The following ADGRL3 variants were observed in gnomAD, a reference collection of about 807,000 sequenced individuals.
ADGRL3 encodes the protein calcium-independent alpha-latrotoxin receptor 3.
Under a neutral mutation model 153.5 loss-of-function variants are expected in ADGRL3, and 62 were observed. That is an observed-to-expected ratio of 0.40 (90% CI 0.33 to 0.50). The LOEUF is 0.50. Ranked by LOEUF, ADGRL3 falls within the 20% of genes least tolerant of loss-of-function variation. The pLI is 0.47. For missense variants in ADGRL3, 1,641 were observed against 1,859.4 expected, an observed-to-expected ratio of 0.88 and a Z score of 2.16; for synonymous variants, 710 against 672.5, an observed-to-expected ratio of 1.06 and a Z score of -0.86.
At chr4:61,710,949 A>G (rs573258649) in intron 6 of ADGRL3, among the ~76,000 whole-genome samples, 1 of 152,166 alleles carries the variant, frequency 6.6e-6, no homozygotes, top group East Asian at 1.9e-4. Context: ...TTAACATTCC[A>G]TCCAGCAGAC....
In ADGRL3 at chr4:61,909,516, TTATG is replaced by T. The variant is rs781185364; in HGVS notation, c.1888-42_1888-39del. The T allele has an allele frequency of 6.1e-6, 8 of 1,322,268 alleles. No homozygotes were observed. The Admixed American group carries it at 1.6e-4, about 26-fold the overall frequency. 81.9% of individuals were successfully genotyped at this position (1,322,268 alleles called of 1,614,324 possible). A position where few individuals can be genotyped will look rare whatever the true frequency, so the allele number is the denominator to read the frequency against. On this transcript the variant is annotated intron_variant, in intron 11 of 26. Transcript: ENST00000683033. The stretch of plus-strand genomic sequence containing the variant: ...CGTTGAAAGAAAGCAATAAAAGTAT[TTATG>T]TGAGATCTCTTTCCTTTGTATTCCA...
intron 1 of ADGRL3, among the ~76,000 whole-genome samples, chr4:61,292,712 C>G (rs1467290232): frequency 6.6e-6 from 1 of 152,074 alleles, no homozygotes; most frequent in Non-Finnish European, 1.5e-5. Flanking sequence ...GAAAGAAAAT[C>G]TTGAAAGCCA....
At chr4:61,277,212 A>T (rs970128317) in intron 1 of ADGRL3, among the ~76,000 whole-genome samples, 1 of 152,116 alleles carries the variant, frequency 6.6e-6, no homozygotes, top group African/African-American at 2.4e-5. Context: ...TAAATCATTT[A>T]TTCTCTTGAG....
At chr4:61,216,387 T>A (rs1418376838) in intron 1 of ADGRL3, among the ~76,000 whole-genome samples, 1 of 152,142 alleles carries the variant, frequency 6.6e-6, no homozygotes, top group Non-Finnish European at 1.5e-5. Context: ...ATGTTTATAT[T>A]AAATACTTTT....
chr4:61,990,093 A>G (rs918374973), intron 19 of ADGRL3, among the ~76,000 whole-genome samples: 5 of 152,078 alleles, frequency 3.3e-5, no homozygotes, highest in African/African-American at 1.2e-4. Flanking sequence ...CTTGTATGCA[A>G]GAGTTTATAG....
At chr4:61,672,594 A>G (rs547323161) in intron 5 of ADGRL3, among the ~76,000 whole-genome samples, 40 of 152,142 alleles carry the variant, frequency 2.6e-4, no homozygotes, top group Non-Finnish European at 5.1e-4. Flanking sequence ...ACTAATCGTC[A>G]GGGAAATGTG....
intron 8 of ADGRL3, among the ~76,000 whole-genome samples, chr4:61,759,138 A>G (rs4860100): frequency 0.58 from 88,138 of 151,824 alleles, 28,013 homozygotes; most frequent in African/African-American, 0.83. Context: ...CAACTTTGGT[A>G]AATCTGACAA....
rs762481224 is a variant in ADGRL3, at chr4:61,732,901, C to G, written c.746C>G (p.Thr249Ser). The G allele has an allele frequency of 1.9e-6, 3 of 1,613,654 alleles. No individual in the cohort carries two copies. In the Admixed American group the frequency reaches 5.0e-5, roughly 27 times the overall value. ...YMPWTPYRTD[T>S]LTEYSSKDDF... ...CCCTGGACTCCCTACAGAACTGATA[C>G]CCTGACTGAGTATTCATCCAAGGAT... Residue 249 changes from threonine (T) to serine (S), a missense_variant, in exon 8 of 27, where the codon ACC (threonine) becomes AGC (serine). Coordinates refer to ENST00000683033, the MANE Select transcript of ADGRL3 (RefSeq NM_001387552.1).
rs143759894 is a variant in ADGRL3 at position 61,602,806 on chromosome 4, C to T, written c.473+15366C>T. Among the ~76,000 whole-genome samples the T allele has an allele frequency of 6.7e-3, 1,021 of 152,218 alleles. 33 individuals are homozygous for T. The highest frequency in any genetic ancestry group is 0.053 in the Admixed American group (804 of 15,280). On this transcript the variant is annotated intron_variant, in intron 5 of 26. Coordinates refer to ENST00000683033, the MANE Select transcript of ADGRL3 (RefSeq NM_001387552.1). ...ACAGTTTATCCTTCACTAGAAATAA[C>T]AATGCCAAGTATAATACTGTATAAT...
At chr4:61,563,473 C>T (rs1196169935) in intron 4 of ADGRL3, among the ~76,000 whole-genome samples, 1 of 152,162 alleles carries the variant, frequency 6.6e-6, no homozygotes, top group Admixed American at 6.5e-5. Context: ...TAGCCTTTTA[C>T]AAGAAAGTCA....
chr4:61,428,902 T>TATCTATCTATCTATATC (rs2097319588), intron 2 of ADGRL3, among the ~76,000 whole-genome samples: 1 of 125,968 alleles, frequency 7.9e-6, no homozygotes, highest in Non-Finnish European at 1.7e-5. Context: ...ATCATCTATC[T>TATCTATCTATCTATATC]ATCTATCTAT....
At chr4:61,530,382 C>T (rs2098605171) in intron 4 of ADGRL3, among the ~76,000 whole-genome samples, 1 of 149,816 alleles carries the variant, frequency 6.7e-6, no homozygotes. Flanking sequence ...GGGTTTGCTA[C>T]CCTCCCTAAA....
intron 3 of ADGRL3, among the ~76,000 whole-genome samples, chr4:61,499,171 A>G (rs1049054883): frequency 6.6e-6 from 1 of 152,170 alleles, no homozygotes; most frequent in Non-Finnish European, 1.5e-5. Context: ...CTGTCATTCT[A>G]AATACTGGGT....
chr4:61,465,940 C>T (rs1016278073), intron 2 of ADGRL3, among the ~76,000 whole-genome samples: 49 of 151,530 alleles, frequency 3.2e-4, no homozygotes, highest in Non-Finnish European at 1.9e-4. Context: ...TGGACAACTC[C>T]GTGAAACACC....
At chr4:61,897,307 T>C (rs1287183836) in intron 11 of ADGRL3, among the ~76,000 whole-genome samples, 8 of 152,230 alleles carry the variant, frequency 5.3e-5, no homozygotes, top group Admixed American at 5.2e-4. Context: ...TAAAAAAACC[T>C]TAGATTGATT....
intron 5 of ADGRL3, among the ~76,000 whole-genome samples, chr4:61,657,093 A>G (rs796521220): frequency 1.3e-5 from 2 of 152,298 alleles, no homozygotes; most frequent in African/African-American, 2.4e-5. Flanking sequence ...TACAGTAGCC[A>G]ATAAAAAACA....
At chr4:61,753,169 C>T (rs1353403324) in intron 8 of ADGRL3, among the ~76,000 whole-genome samples, 1 of 151,082 alleles carries the variant, frequency 6.6e-6, no homozygotes, top group Non-Finnish European at 1.5e-5. Context: ...GGGAGCTCCC[C>T]TCCCCGAACT....
chr4:62,071,652 A>C lies in ADGRL3; in HGVS notation c.*744A>C, dbSNP rs1041467527. On this transcript the variant is annotated 3_prime_UTR_variant, in exon 27 of 27. Coordinates refer to ENST00000683033, the MANE Select transcript of ADGRL3 (RefSeq NM_001387552.1). Reference sequence around the variant, plus strand: ...TAATGTAGTAGAAAAAAAAAAAAGAAATTTTCTTTTTCTTTTGTGCTGGTC... The same window carrying C: ...TAATGTAGTAGAAAAAAAAAAAAGACATTTTCTTTTTCTTTTGTGCTGGTC... 5.2e-6 allele frequency: 2 copies of C among 381,916 alleles called. No individual in the cohort carries two copies. Among genetic ancestry groups the C allele is most frequent in the African/African-American group, 2.2e-5 (1 of 45,982 alleles). The allele number at this position is 381,916 out of a possible 1,614,324, so 23.7% of individuals were successfully genotyped here.
At chr4:61,383,350 A>G (rs1171740686) in intron 2 of ADGRL3, among the ~76,000 whole-genome samples, 161 bp downstream of exon 2, 1 of 151,776 alleles carries the variant, frequency 6.6e-6, no homozygotes, top group Non-Finnish European at 1.5e-5. Context: ...TGGAAAATAA[A>G]TTGCCATTTC....
Sources: allele counts gnomAD v4.1 joint callset (sites outside exome capture counted in the v4.1 genomes callset), GRCh38; gene constraint gnomAD v4.1.1; transcripts MANE v1.5; gene names NCBI Gene and HGNC (gene_info 2026-07-23, HGNC 2026-07-21).